Variants in RANBP9 observed in about 807,000 individuals in gnomAD.
The protein encoded by RANBP9 is ran-binding protein 9.
RANBP9 carries 15 observed loss-of-function variants against 84.3 expected under a neutral mutation model. That is an observed-to-expected ratio of 0.18 (90% CI 0.12 to 0.27). RANBP9 has a LOEUF of 0.27. Among genes scored for constraint, RANBP9 ranks in the 10% least tolerant of loss-of-function variants. The pLI is 1.00. For synonymous variants in RANBP9, 392 were observed against 349.6 expected (o/e 1.12, Z -1.35); for missense variants, 809 against 912.8 (o/e 0.89, Z 1.46).
Position 13,711,238 on chromosome 6 carries a change from G to A in RANBP9, c.268C>T (p.Pro90Ser). 1 of 990,970 alleles carries A rather than the reference G, an allele frequency of 1.0e-6. No individual in the cohort carries two copies. The highest frequency in any genetic ancestry group is 1.2e-6 in the Non-Finnish European group (1 of 834,236). The allele number at this position is 990,970 out of a possible 1,614,324, so 61.4% of individuals were successfully genotyped here. ...GGGGCAGCCGCTGAGGCAGGGGGAG[G>A]CGGGGGCGGCGGCGGGGGCGGCGGG... ...AAPPPPPPPP[P>S]PPASAAAPAS... is the part of the protein sequence containing the mutation. Residue 90 changes from proline to serine, a missense_variant, in exon 1 of 14, where the codon CCT becomes TCT. Coordinates refer to ENST00000011619, the MANE Select transcript of RANBP9 (RefSeq NM_005493.3).
intron 2 of RANBP9, among the ~76,000 whole-genome samples, chr6:13,663,884 T>A (rs1765588762): frequency 6.6e-6 from 1 of 152,098 alleles, no homozygotes; most frequent in African/African-American, 2.4e-5. Flanking sequence ...ACAAGGGAAC[T>A]TCCTCAACCT....
chr6:13,684,413 G>C (rs925356485), intron 2 of RANBP9, among the ~76,000 whole-genome samples: 2 of 152,112 alleles, frequency 1.3e-5, no homozygotes, highest in African/African-American at 4.8e-5. Context: ...TACCCAGCCT[G>C]AACTAAAATG....
intron 2 of RANBP9, among the ~76,000 whole-genome samples, chr6:13,681,242 G>A (rs151171700): frequency 6.6e-6 from 1 of 152,082 alleles, no homozygotes; most frequent in Non-Finnish European, 1.5e-5. Context: ...AGACAGATCA[G>A]TGGTTGTGAG....
intron 1 of RANBP9, among the ~76,000 whole-genome samples, chr6:13,704,287 T>C (rs1758044945): frequency 6.6e-6 from 1 of 152,186 alleles, no homozygotes; most frequent in Non-Finnish European, 1.5e-5. Flanking sequence ...TTGATGATTC[T>C]CCATCTCCTA....
chr6:13,623,258 C>T (rs578136835), intron 13 of RANBP9, among the ~76,000 whole-genome samples: 1 of 152,222 alleles, frequency 6.6e-6, no homozygotes. Context: ...TATGAGAAGG[C>T]AATGTCCAAA....
At position 13,634,564 on chromosome 6, in the gene RANBP9, A is replaced by G. The variant is rs1554221744; in HGVS notation, c.1674-12T>C. On this transcript the variant is annotated splice_polypyrimidine_tract_variant and intron_variant, in intron 10 of 13. Coordinates refer to ENST00000011619, the MANE Select transcript of RANBP9 (RefSeq NM_005493.3). ...TGTCTACATCATTACTGAAAACGAAAAAACAAACCTAATTTTAGAAATATC... is the reference window on the plus strand; with the variant it reads ...TGTCTACATCATTACTGAAAACGAAGAAACAAACCTAATTTTAGAAATATC... The G allele has an allele frequency of 1.3e-5, 21 of 1,588,348 alleles. No individual in the cohort carries two copies. The South Asian group carries it at 2.4e-4, about 18-fold the overall frequency.
intron 1 of RANBP9, among the ~76,000 whole-genome samples, chr6:13,702,375 G>A (rs371494039): frequency 6.4e-4 from 97 of 152,202 alleles, no homozygotes; most frequent in African/African-American, 1.9e-3. Flanking sequence ...CCTGGGATCC[G>A]GCCTGACAAA....
intron 11 of RANBP9, among the ~76,000 whole-genome samples, chr6:13,633,020 A>G (rs1434621095): frequency 6.6e-6 from 1 of 151,942 alleles, no homozygotes; most frequent in Non-Finnish European, 1.5e-5. Flanking sequence ...TTAGAAAAAT[A>G]CCACTTTGAA....
chr6:13,623,997 T>C (rs941465940), intron 13 of RANBP9, among the ~76,000 whole-genome samples: 4 of 152,168 alleles, frequency 2.6e-5, no homozygotes, highest in African/African-American at 9.7e-5. Flanking sequence ...ACAATATAAC[T>C]TCAAAAAGAC....
rs528022007 is a variant in RANBP9, at chr6:13,628,459, A to G, written c.1948-2695T>C. On this transcript the variant is annotated intron_variant, in intron 12 of 13. Coordinates refer to ENST00000011619, the MANE Select transcript of RANBP9 (RefSeq NM_005493.3). ...AGGGGTTAGGAGCTAAAATACCCCA[A>G]AAAACATACTAAAAAGCTTCAAGTT... Among the ~76,000 whole-genome samples the G allele has an allele frequency of 2.0e-5, 3 of 152,342 alleles. No individual in the cohort carries two copies. In the East Asian group the frequency reaches 5.8e-4, roughly 29 times the overall value.
Position 13,652,667 on chromosome 6 carries a change from C to A in RANBP9, c.919G>T (p.Asp307Tyr). The change falls in exon 5 of 14, where the codon GAC (aspartate) becomes TAC (tyrosine). Residue 307 changes from aspartate to tyrosine, a missense_variant. By Grantham distance (160) the Asp-to-Tyr change is radical. Around this residue, in one of 5 missense-constraint regions of RANBP9, gnomAD observed 216 missense variants for 329.0 expected, o/e 0.66. Transcript: ENST00000011619. ...TTTAAAAAAAGTCTTACCGGTAGGT[C>A]AGTGAAAGCAATACCTAAAAAGAAA... is the stretch of plus-strand genomic sequence containing the variant. ...NGHSLGIAFT[D>Y]LPPNLYPTVG... The A allele has an allele frequency of 6.3e-7, 1 of 1,595,314 alleles. No homozygotes were observed. Among genetic ancestry groups the A allele is most frequent in the South Asian group, 1.1e-5 (1 of 89,596 alleles).
At chr6:13,682,395 TAAA>T (rs202214378) in intron 2 of RANBP9, among the ~76,000 whole-genome samples, 1 of 102,324 alleles carries the variant, frequency 9.8e-6, no homozygotes, top group African/African-American at 3.5e-5. Context: ...GAAGCAAAAT[TAAA>T]AAAAAAAAAA....
At chr6:13,666,515 C>A (rs1765650199) in intron 2 of RANBP9, among the ~76,000 whole-genome samples, 1 of 145,876 alleles carries the variant, frequency 6.9e-6, no homozygotes, top group African/African-American at 2.5e-5. Context: ...TGCCTGTAAT[C>A]CCAAAGGAAA....
intron 2 of RANBP9, among the ~76,000 whole-genome samples, chr6:13,667,719 T>C (rs904240646): frequency 1.3e-5 from 2 of 152,152 alleles, no homozygotes; most frequent in Non-Finnish European, 2.9e-5. Flanking sequence ...AGCAGAGCAA[T>C]AGACCACACA....
chr6:13,638,071 G>A, intron 9 of RANBP9, 116 bp from the exon 10 acceptor site: 3 of 905,358 alleles, frequency 3.3e-6, no homozygotes, highest in Non-Finnish European at 4.7e-6. Context: ...GAGAGTCAAT[G>A]GATGATGTAA....
At chr6:13,673,547 A>G (rs1485188180) in intron 2 of RANBP9, among the ~76,000 whole-genome samples, 1 of 152,202 alleles carries the variant, frequency 6.6e-6, no homozygotes, top group East Asian at 1.9e-4. Flanking sequence ...AAATAGTAAC[A>G]ATATCTTGGG....
At chr6:13,691,406 T>A (rs1050021972) in intron 2 of RANBP9, among the ~76,000 whole-genome samples, 1 of 152,058 alleles carries the variant, frequency 6.6e-6, no homozygotes, top group Non-Finnish European at 1.5e-5. Context: ...AATAAAGAAA[T>A]ACAAGTAACA....
chr6:13,622,290 A>T lies in RANBP9; in HGVS notation c.*72T>A, dbSNP rs901792801. The T allele has an allele frequency of 7.4e-7, 1 of 1,349,824 alleles. No homozygotes were observed. The highest frequency in any genetic ancestry group is 9.6e-7 in the Non-Finnish European group (1 of 1,036,812). 83.6% of individuals were successfully genotyped at this position (1,349,824 alleles called of 1,614,324 possible). ...CATAATTTAAAAAATCTAAATTTCA[A>T]ATCAGCAGAGCTGGTCTACTTCCAT... On this transcript the variant is annotated 3_prime_UTR_variant, in exon 14 of 14. Transcript: ENST00000011619.
rs1758074624 is a variant in RANBP9, at chr6:13,705,256, T to C, written c.571+5679A>G. Among the ~76,000 whole-genome samples, 3 of 151,620 alleles carry C rather than the reference T, an allele frequency of 2.0e-5. No homozygotes were observed. The South Asian group carries it at 6.2e-4, about 32-fold the overall frequency. On this transcript the variant is annotated intron_variant, in intron 1 of 13. Transcript: ENST00000011619. ...CCATCGCTACTAAATATACAAAAAT[T>C]AGCCAGGCGTGGTGGCAGGCGCTTG...
Sources: gnomAD v4.1 joint callset for allele counts (sites outside exome capture counted in the v4.1 genomes callset) on GRCh38, gnomAD v4.1.1 for gene constraint, gnomAD v4.1.1 regional missense constraint, MANE v1.5 for transcripts, NCBI Gene and HGNC (gene_info 2026-07-23, HGNC 2026-07-21) for gene names.